The following ADRA1B variants were observed in gnomAD, a reference collection of about 807,000 sequenced individuals.
The protein encoded by ADRA1B is alpha-1B adrenergic receptor.
A neutral mutation model predicts 17.9 loss-of-function variants in ADRA1B; 17 were observed. The ratio of observed to expected loss-of-function variants is 0.95; its 90% CI spans 0.65 to 1.42. The LOEUF (loss-of-function observed/expected upper bound fraction) is 1.42. Ranked by LOEUF, ADRA1B falls within the 40% of genes most tolerant of loss-of-function variation. ADRA1B has a pLI of 0.00. For missense variants in ADRA1B, 681 were observed against 722.1 expected, an observed-to-expected ratio of 0.94 and a Z score of 0.65; for synonymous variants, 366 against 327.6, an observed-to-expected ratio of 1.12 and a Z score of -1.27.
intron 1 of ADRA1B, among the ~76,000 whole-genome samples, chr5:159,928,669 C>G (rs1351651589): frequency 6.6e-6 from 1 of 152,148 alleles, no homozygotes; most frequent in Admixed American, 6.5e-5. Context: ...TTCTTCAAGA[C>G]AGAGTTTCCT....
intron 1 of ADRA1B, among the ~76,000 whole-genome samples, chr5:159,932,586 G>A (rs1377234889): frequency 6.6e-6 from 1 of 152,124 alleles, no homozygotes; most frequent in African/African-American, 2.4e-5. Flanking sequence ...CACTTTACAA[G>A]GTACAAATGT....
the ADRA1B span, among the ~76,000 whole-genome samples, chr5:159,979,589 C>T: frequency 6.6e-6 from 1 of 152,150 alleles, no homozygotes; most frequent in African/African-American, 2.4e-5. Flanking sequence ...ATGTGGCTGG[C>T]TGGGCATGGT....
chr5:159,984,326 A>G, the ADRA1B span, among the ~76,000 whole-genome samples: 8 of 152,186 alleles, frequency 5.3e-5, no homozygotes, highest in Middle Eastern at 3.4e-3. Flanking sequence ...CTTTCCCACA[A>G]TGGCTGCTCC....
intron 1 of ADRA1B, among the ~76,000 whole-genome samples, chr5:159,887,224 G>A (rs1335423062): frequency 3.3e-5 from 5 of 152,134 alleles, no homozygotes; most frequent in Admixed American, 3.3e-4. Flanking sequence ...TTCTGTGGTT[G>A]GCTACAAAGA....
chr5:159,899,275 G>GAAGGAAGGAAGGAAGA (rs1554088330), intron 1 of ADRA1B, among the ~76,000 whole-genome samples: 261 of 124,150 alleles, frequency 2.1e-3, no homozygotes, highest in African/African-American at 7.0e-3. Flanking sequence ...AGGAAGGAAG[G>GAAGGAAGGAAGGAAGA]AAGGAAGGAA....
chr5:159,921,713 A>G (rs905314029), intron 1 of ADRA1B, among the ~76,000 whole-genome samples: 10 of 152,222 alleles, frequency 6.6e-5, no homozygotes, highest in African/African-American at 2.4e-4. Flanking sequence ...ATGAAGGTCA[A>G]TTTCAAAGAA....
chr5:159,899,298 GGAAGGAAGGAAGGAAGGAAA>G (rs1366658682), intron 1 of ADRA1B, among the ~76,000 whole-genome samples: 6 of 151,048 alleles, frequency 4.0e-5, no homozygotes, highest in Non-Finnish European at 8.9e-5. Flanking sequence ...AAGGAAGGAA[GGAAGGAAGGAAGGAAGGAAA>G]GAAGGAAAGG....
upstream of ADRA1B, among the ~76,000 whole-genome samples, chr5:159,913,505 C>T (rs1340752826): frequency 1.3e-5 from 2 of 152,222 alleles, no homozygotes; most frequent in Non-Finnish European, 2.9e-5. Context: ...TAAATGACAA[C>T]AAGTCTGAAA....
At chr5:159,954,317 T>C (rs552967538) in intron 1 of ADRA1B, among the ~76,000 whole-genome samples, 1 of 152,194 alleles carries the variant, frequency 6.6e-6, no homozygotes, top group East Asian at 1.9e-4. Context: ...GTCTTCCAAG[T>C]TGCAGACAGA....
the ADRA1B span, among the ~76,000 whole-genome samples, chr5:159,983,653 C>T: frequency 6.6e-6 from 1 of 152,170 alleles, no homozygotes; most frequent in South Asian, 2.1e-4. Flanking sequence ...GCATTAGTGA[C>T]TCCCAGGTCC....
chr5:159,943,912 TCACACACACACACA>T (rs70987984), intron 1 of ADRA1B, among the ~76,000 whole-genome samples: 2 of 147,440 alleles, frequency 1.4e-5, no homozygotes, highest in Admixed American at 6.8e-5. Context: ...TCTGTCTCTC[TCACACACACACACA>T]CACACACACA....
chr5:159,898,741 A>T (rs1438354041), intron 1 of ADRA1B, among the ~76,000 whole-genome samples: 1 of 152,198 alleles, frequency 6.6e-6, no homozygotes, highest in East Asian at 1.9e-4. Context: ...CAATGAATAG[A>T]AGCTGAGAAG....
At chr5:159,926,429 T>C (rs917561928) in intron 1 of ADRA1B, among the ~76,000 whole-genome samples, 25 of 152,170 alleles carry the variant, frequency 1.6e-4, no homozygotes, top group Non-Finnish European at 2.5e-4. Flanking sequence ...AGGGTCCAAG[T>C]TCAAATTGTC....
intron 1 of ADRA1B, among the ~76,000 whole-genome samples, chr5:159,933,180 G>C (rs975432994): frequency 6.6e-6 from 1 of 152,208 alleles, no homozygotes; most frequent in Non-Finnish European, 1.5e-5. Flanking sequence ...ATGAGGTTAA[G>C]CATCTTTTCA....
chr5:159,895,903 G>A (rs1300260661), intron 1 of ADRA1B, among the ~76,000 whole-genome samples: 1 of 152,180 alleles, frequency 6.6e-6, no homozygotes, highest in Non-Finnish European at 1.5e-5. Flanking sequence ...GATCACCTGA[G>A]GTCAGGAGTT....
chr5:159,905,225 G>A (rs1754149094), intron 1 of ADRA1B, among the ~76,000 whole-genome samples: 1 of 152,158 alleles, frequency 6.6e-6, no homozygotes, highest in Admixed American at 6.5e-5. Flanking sequence ...GCAGAGAGGA[G>A]AATAGGTTTC....
intron 1 of ADRA1B, chr5:159,868,947 T>C (rs1025424114): frequency 6.6e-6 from 1 of 152,194 alleles, no homozygotes; most frequent in African/African-American, 2.4e-5. Flanking sequence ...TTAACTTGAC[T>C]CTAAGCAAAC....
intron 1 of ADRA1B, among the ~76,000 whole-genome samples, chr5:159,961,684 T>C (rs1755666599): frequency 6.6e-6 from 1 of 152,152 alleles, no homozygotes; most frequent in Admixed American, 6.5e-5. Flanking sequence ...TACAAGAGGA[T>C]CAAAACAGTT....
At chr5:159,937,991 G>A (rs10515807) in intron 1 of ADRA1B, among the ~76,000 whole-genome samples, 22,247 of 152,102 alleles carry the variant, frequency 0.15, 2,051 homozygotes, top group East Asian at 0.34. Flanking sequence ...CCACACCTCA[G>A]TGCTCTCCTA....
Sources: gnomAD v4.1 joint callset for allele counts (sites outside exome capture counted in the v4.1 genomes callset) on GRCh38, gnomAD v4.1.1 for gene constraint, MANE v1.5 for transcripts, NCBI Gene and HGNC (gene_info 2026-07-23, HGNC 2026-07-21) for gene names.